PACRG: variants seen among roughly 807,000 people sequenced by gnomAD.
The protein encoded by PACRG is parkin coregulated gene protein.
In PACRG, 29 loss-of-function variants were observed where a neutral mutation model predicts 29.7. The observed-to-expected ratio is 0.98, with a 90% confidence interval of 0.73 to 1.33. The LOEUF (loss-of-function observed/expected upper bound fraction) is 1.33, where lower values mean the gene tolerates loss of function less well. Ranked by LOEUF, PACRG falls within the 40% of genes most tolerant of loss-of-function variation. The pLI is 0.00. For missense variants in PACRG, 279 were observed against 316.2 expected (o/e 0.88, Z 0.89); for synonymous variants, 116 against 118.7 (o/e 0.98, Z 0.15).
chr6:163,026,598 G>A (rs569297076), intron 2 of PACRG, among the ~76,000 whole-genome samples: 2 of 152,280 alleles, frequency 1.3e-5, no homozygotes, highest in Admixed American at 6.5e-5. Flanking sequence ...CAAGGAGTCC[G>A]CTAAGGTCAC....
intron 2 of PACRG, among the ~76,000 whole-genome samples, chr6:163,009,416 A>G (rs1584998234): frequency 6.6e-6 from 1 of 152,328 alleles, no homozygotes; most frequent in African/African-American, 2.4e-5. Context: ...AAAACTTCCC[A>G]TCACTTCAAT....
chr6:163,088,683 A>C (rs1813816925), intron 3 of PACRG, among the ~76,000 whole-genome samples: 1 of 151,958 alleles, frequency 6.6e-6, no homozygotes, highest in Admixed American at 6.6e-5. Flanking sequence ...GTTTCCTTCT[A>C]ACTGAACTTT....
At position 162,989,695 on chromosome 6, in the gene PACRG, T is replaced by G. The variant is rs1803248489; in HGVS notation, c.292-72455T>G. On this transcript the variant is annotated intron_variant, in intron 2 of 4. Transcript: ENST00000366888. ...TCCACAGATTGAAAACCCGCAGATATGGAGGGCTGACTGTGTTCAGTACTT... is the reference window on the plus strand; with the variant it reads ...TCCACAGATTGAAAACCCGCAGATAGGGAGGGCTGACTGTGTTCAGTACTT... 1.3e-5 allele frequency among the ~76,000 whole-genome samples: 2 copies of G among 151,682 alleles called. 1 individual carries two copies. Among genetic ancestry groups the G allele is most frequent in the South Asian group, 4.2e-4 (2 of 4,796 alleles).
At chr6:163,278,467 G>A (rs554729700) in intron 4 of PACRG, among the ~76,000 whole-genome samples, 1 of 152,270 alleles carries the variant, frequency 6.6e-6, no homozygotes, top group East Asian at 1.9e-4. Context: ...ATGGTTTCAG[G>A]TCTTAGATTT....
chr6:163,081,957 A>G (rs1249318222), intron 3 of PACRG, among the ~76,000 whole-genome samples: 1 of 152,208 alleles, frequency 6.6e-6, no homozygotes. Flanking sequence ...TAGAAAGCAA[A>G]CACAAATTTA....
chr6:163,277,483 G>GTATATATATATA (rs112325843), intron 4 of PACRG, among the ~76,000 whole-genome samples: 6 of 142,134 alleles, frequency 4.2e-5, no homozygotes, highest in East Asian at 2.1e-4. Context: ...GTGTATGTGT[G>GTATATATATATA]TATATATATA....
chr6:163,263,540 C>T (rs1783417967), intron 4 of PACRG, among the ~76,000 whole-genome samples: 1 of 152,142 alleles, frequency 6.6e-6, no homozygotes, highest in Non-Finnish European at 1.5e-5. Context: ...ATCACAAAAG[C>T]TCTTTATAAT....
intron 4 of PACRG, among the ~76,000 whole-genome samples, chr6:163,145,127 G>T (rs1011655805): frequency 6.6e-6 from 1 of 152,216 alleles, no homozygotes; most frequent in Non-Finnish European, 1.5e-5. Context: ...ACAGCCCAGA[G>T]TCTGGAGTCT....
At chr6:163,211,265 A>G (rs923432643) in intron 4 of PACRG, among the ~76,000 whole-genome samples, 1 of 152,232 alleles carries the variant, frequency 6.6e-6, no homozygotes, top group African/African-American at 2.4e-5. Flanking sequence ...GAAACATTTT[A>G]TAATCCTGTG....
chr6:162,775,282 C>T lies in PACRG; in HGVS notation c.157-38865C>T, dbSNP rs1783554930. On this transcript the variant is annotated intron_variant, in intron 1 of 4. Transcript: ENST00000366888. ...AATAAATTTCTATTGTTTAAGTGAC[C>T]CAGTTTATAGTATTTTGTTATGACA... Among the ~76,000 whole-genome samples the T allele has an allele frequency of 2.0e-5, 3 of 152,048 alleles. No homozygotes were observed. The South Asian group carries it at 6.2e-4, about 32-fold the overall frequency.
chr6:163,159,750 A>C (rs1029530962), intron 4 of PACRG, among the ~76,000 whole-genome samples: 1 of 152,208 alleles, frequency 6.6e-6, no homozygotes, highest in East Asian at 1.9e-4. Context: ...TTTCAGCAAT[A>C]GTATTCTAAA....
chr6:163,168,088 G>A (rs1045069231), intron 4 of PACRG, among the ~76,000 whole-genome samples: 1 of 152,122 alleles, frequency 6.6e-6, no homozygotes, highest in African/African-American at 2.4e-5. Context: ...TTCTGTCCAT[G>A]GCATATCCCT....
At chr6:163,009,956 G>A (rs760566551) in intron 2 of PACRG, among the ~76,000 whole-genome samples, 1 of 152,120 alleles carries the variant, frequency 6.6e-6, no homozygotes. Flanking sequence ...CTGGTCCTGT[G>A]TAGGCAGAAA....
At chr6:162,738,900 T>C (rs938781794) in intron 1 of PACRG, among the ~76,000 whole-genome samples, 12 of 152,200 alleles carry the variant, frequency 7.9e-5, no homozygotes, top group Admixed American at 5.9e-4. Context: ...TCATATTCCA[T>C]TGTGTGAATA....
At chr6:162,745,768 T>C (rs1162397776) in intron 1 of PACRG, among the ~76,000 whole-genome samples, 2 of 152,110 alleles carry the variant, frequency 1.3e-5, no homozygotes, top group African/African-American at 2.4e-5. Flanking sequence ...GGTAATTAGT[T>C]AGTCTGTGGT....
chr6:163,173,505 C>T (rs1397576838), intron 4 of PACRG, among the ~76,000 whole-genome samples: 2 of 152,100 alleles, frequency 1.3e-5, no homozygotes, highest in East Asian at 1.9e-4. Flanking sequence ...CATGAATGTC[C>T]CCCTTAGAGG....
At chr6:162,842,986 C>T (rs1434635204) in intron 2 of PACRG, among the ~76,000 whole-genome samples, 4 of 128,380 alleles carry the variant, frequency 3.1e-5, no homozygotes, top group African/African-American at 6.2e-5. Flanking sequence ...TGATGGGCTT[C>T]CCTTTGAGGG....
chr6:163,200,189 C>T (rs1780638441), intron 4 of PACRG, among the ~76,000 whole-genome samples: 3 of 152,156 alleles, frequency 2.0e-5, no homozygotes, highest in African/African-American at 7.2e-5. Flanking sequence ...CAGTCTGAGC[C>T]TACAAATATT....
At position 163,148,961 on chromosome 6, in the gene PACRG, CGGGGGGGGGG is replaced by C. The variant is rs58611407; in HGVS notation, c.613+59564_613+59573del. Among the ~76,000 whole-genome samples the C allele has an allele frequency of 2.2e-4, 2 of 9,062 alleles. 1 individual carries two copies. Among genetic ancestry groups the C allele is most frequent in the Non-Finnish European group, 3.8e-4 (2 of 5,248 alleles). The allele number at this position is 9,062 out of a possible 152,430, so 5.9% of individuals were successfully genotyped here. On this transcript the variant is annotated intron_variant, in intron 4 of 4. Coordinates refer to ENST00000366888, the MANE Select transcript of PACRG (RefSeq NM_001080379.2). ...TGAGGGTTTTGTGAAAAATCTATGGCGGGGGGGGGGGGGGGGGGGGTGGAAAAATGTCCCT... is the reference window on the plus strand; with the variant it reads ...TGAGGGTTTTGTGAAAAATCTATGGCGGGGGGGGGGTGGAAAAATGTCCCT...
Sources: allele counts gnomAD v4.1 joint callset (sites outside exome capture counted in the v4.1 genomes callset), GRCh38; gene constraint gnomAD v4.1.1; transcripts MANE v1.5; gene names NCBI Gene and HGNC (gene_info 2026-07-23, HGNC 2026-07-21).